Variants in AGTPBP1 observed in about 807,000 individuals in gnomAD.
AGTPBP1 encodes the protein cytosolic carboxypeptidase 1.
AGTPBP1 carries 70 observed loss-of-function variants against 143.9 expected under a neutral mutation model. That is an observed-to-expected ratio of 0.49 (90% CI 0.40 to 0.59). The LOEUF (loss-of-function observed/expected upper bound fraction) is 0.59. Among genes scored for constraint, AGTPBP1 ranks in the 20% least tolerant of loss-of-function variants. The probability of loss-of-function intolerance (pLI) is 0.00; values close to 1 mark genes in which losing one functional copy is unlikely to be tolerated. For synonymous variants in AGTPBP1, 463 were observed against 500.2 expected (o/e 0.93, Z 0.99); for missense variants, 1,229 against 1,464.5 (o/e 0.84, Z 2.62).
rs367552663 is a variant in AGTPBP1, at chr9:85,587,558, CATTT to C, written c.2904-602_2904-599del. 4.6e-4 allele frequency among the ~76,000 whole-genome samples: 70 copies of C among 152,106 alleles called. No homozygotes were observed. In the East Asian group the frequency reaches 0.012, roughly 26 times the overall value. ...ATATTTCTCAATTAAAAATAGACAACATTTTAGTTCCATAACCATAACATATTAA... is the reference window on the plus strand; with the variant it reads ...ATATTTCTCAATTAAAAATAGACAACTAGTTCCATAACCATAACATATTAA... On this transcript the variant is annotated intron_variant, in intron 21 of 25. Transcript: ENST00000357081.
At chr9:85,742,107 A>C, upstream of AGTPBP1, 4 of 951,368 alleles carry the variant, frequency 4.2e-6, no homozygotes, top group East Asian at 5.6e-5. Context: ...GTCCCTTGTT[A>C]CCTCCGTGCG....
intron 24 of AGTPBP1, 64 bp from the exon 25 acceptor site, chr9:85,575,539 T>A (rs1827845247): frequency 7.5e-7 from 1 of 1,328,898 alleles, no homozygotes; most frequent in Non-Finnish European, 1.0e-6. Context: ...TACAGCTCAA[T>A]GAAATTATAT....
Position 85,692,823 on chromosome 9 carries a change from A to G in AGTPBP1, c.33-10T>C. 4 of 1,611,992 alleles carry G rather than the reference A, an allele frequency of 2.5e-6. No individual in the cohort carries two copies. Among genetic ancestry groups the G allele is most frequent in the Non-Finnish European group, 3.4e-6 (4 of 1,179,296 alleles). On this transcript the variant is annotated splice_polypyrimidine_tract_variant and intron_variant, in intron 2 of 25. Coordinates refer to ENST00000357081, the MANE Select transcript of AGTPBP1 (RefSeq NM_001330701.2). ...AGAATTATTGGTAAGGCTAAAAAGA[A>G]CGTAGAATGTTAGGGCACATTCTAA...
At chr9:85,673,334 AAC>A (rs1279988602) in intron 6 of AGTPBP1, among the ~76,000 whole-genome samples, 3 of 152,176 alleles carry the variant, frequency 2.0e-5, no homozygotes, top group Non-Finnish European at 2.9e-5. Flanking sequence ...TGTCTAGTTC[AAC>A]ACACTTCCCA....
intron 17 of AGTPBP1, among the ~76,000 whole-genome samples, chr9:85,599,110 A>AACACACACAC (rs57074552): frequency 0.029 from 3,990 of 135,396 alleles, 112 homozygotes; most frequent in East Asian, 0.14. Flanking sequence ...CTTGTCACTG[A>AACACACACAC]ACACACACAC....
chr9:85,672,725 CT>C, intron 6 of AGTPBP1, 44 bp from the exon 7 acceptor site: 1 of 1,228,852 alleles, frequency 8.1e-7, no homozygotes, highest in Admixed American at 2.6e-5. Flanking sequence ...TACAACTTTT[CT>C]TTTTAATTTT....
chr9:85,741,753 A>G, intron 1 of AGTPBP1, 22 bp downstream of exon 1: 1 of 1,304,042 alleles, frequency 7.7e-7, no homozygotes, highest in Non-Finnish European at 9.7e-7. Context: ...CCGGGACATG[A>G]GGACTGCAGC....
intron 13 of AGTPBP1, among the ~76,000 whole-genome samples, chr9:85,638,948 C>T (rs935250720): frequency 1.3e-5 from 2 of 151,986 alleles, no homozygotes; most frequent in African/African-American, 4.8e-5. Flanking sequence ...AACTTCTCAA[C>T]ACAATTAACA....
In AGTPBP1 at chr9:85,547,226, A is replaced by G; in HGVS notation, c.3564T>C (p.Ser1188=). The G allele has an allele frequency of 1.2e-6, 2 of 1,613,498 alleles. No homozygotes were observed. Among genetic ancestry groups the G allele is most frequent in the East Asian group, 2.2e-5 (1 of 44,844 alleles). ...EPRFLEEVDY[S]AESNDELDIE... ...TATCTAACTCATCATTACTTTCTGC[A>G]CTGTAATCAACTTCTTCAAGGAATC... The change falls in exon 26 of 26, where the codon AGT becomes AGC. Residue 1188 remains serine (S), a synonymous_variant. Transcript: ENST00000357081.
chr9:85,804,487 T>C, the AGTPBP1 span, among the ~76,000 whole-genome samples: 2 of 152,194 alleles, frequency 1.3e-5, no homozygotes, highest in Non-Finnish European at 2.9e-5. Flanking sequence ...TGGTTTGTCT[T>C]TTATTGTCTG....
intron 11 of AGTPBP1, among the ~76,000 whole-genome samples, chr9:85,653,898 T>G (rs533515565): frequency 1.3e-5 from 2 of 152,236 alleles, no homozygotes; most frequent in African/African-American, 2.4e-5. Context: ...ATTGGACCAC[T>G]GCTTTTACTT....
intron 22 of AGTPBP1, among the ~76,000 whole-genome samples, chr9:85,586,136 G>T (rs62566897): frequency 4.0e-5 from 6 of 151,354 alleles, no homozygotes; most frequent in Non-Finnish European, 8.8e-5. Flanking sequence ...TTGCTTGAAC[G>T]TGGGAGGCAG....
intron 8 of AGTPBP1, among the ~76,000 whole-genome samples, chr9:85,664,497 C>A (rs1834021439): frequency 6.6e-6 from 1 of 152,152 alleles, no homozygotes; most frequent in African/African-American, 2.4e-5. Context: ...CCTAGAAGTA[C>A]TGTGCCTCCC....
intron 17 of AGTPBP1, 85 bp from the exon 18 acceptor site, chr9:85,596,534 A>C: frequency 2.3e-6 from 2 of 853,548 alleles, no homozygotes; most frequent in Non-Finnish European, 3.4e-6. Flanking sequence ...AAAGCACCAA[A>C]CATTCAGGAA....
chr9:85,794,121 T>C, the AGTPBP1 span, among the ~76,000 whole-genome samples: 2 of 152,116 alleles, frequency 1.3e-5, no homozygotes, highest in African/African-American at 4.8e-5. Flanking sequence ...GAAATAAGTT[T>C]CTGAGCTCAC....
intron 20 of AGTPBP1, 133 bp downstream of exon 20, chr9:85,589,395 A>G: frequency 1.7e-6 from 2 of 1,172,756 alleles, no homozygotes; most frequent in African/African-American, 3.1e-5. Context: ...CTAGCTAGAT[A>G]ATAGCAGGGC....
intron 9 of AGTPBP1, among the ~76,000 whole-genome samples, chr9:85,658,406 T>C (rs569892009): frequency 2.5e-4 from 38 of 152,216 alleles, no homozygotes; most frequent in African/African-American, 8.7e-4. Flanking sequence ...TTAAAAGTAT[T>C]AGTATTTAAA....
At chr9:85,714,321 C>T (rs1837563679) in intron 1 of AGTPBP1, among the ~76,000 whole-genome samples, 1 of 152,174 alleles carries the variant, frequency 6.6e-6, no homozygotes, top group Non-Finnish European at 1.5e-5. Context: ...GTGTTTTGTG[C>T]CTTATCCTTT....
chr9:85,613,219 G>C (rs778219243), intron 17 of AGTPBP1, among the ~76,000 whole-genome samples: 1 of 151,460 alleles, frequency 6.6e-6, no homozygotes, highest in Non-Finnish European at 1.5e-5. Flanking sequence ...TTGTAATCAA[G>C]AGAAAATTTG....
Sources: allele counts gnomAD v4.1 joint callset (sites outside exome capture counted in the v4.1 genomes callset), GRCh38; gene constraint gnomAD v4.1.1; transcripts MANE v1.5; gene names NCBI Gene and HGNC (gene_info 2026-07-23, HGNC 2026-07-21).